The following KIAA1217 variants were observed in gnomAD, a reference collection of about 807,000 sequenced individuals.
KIAA1217 encodes sickle tail protein homolog.
A neutral mutation model predicts 163.9 loss-of-function variants in KIAA1217; 88 were observed. The ratio of observed to expected loss-of-function variants is 0.54; its 90% CI spans 0.45 to 0.64. The LOEUF is 0.64. KIAA1217 is among the 30% of genes least tolerant of loss of function. KIAA1217 has a pLI of 0.00. For missense variants in KIAA1217, 2,372 were observed against 2,475.0 expected, an observed-to-expected ratio of 0.96 and a Z score of 0.88; for synonymous variants, 903 against 923.1, an observed-to-expected ratio of 0.98 and a Z score of 0.39.
Position 24,543,521 on chromosome 10 carries a change from T to G in KIAA1217, c.4251T>G (p.Asp1417Glu). The change falls in exon 19 of 21, where the codon GAT (aspartate) becomes GAG (glutamate). Residue 1417 changes from aspartate to glutamate, a missense_variant. Coordinates refer to ENST00000376454, the MANE Select transcript of KIAA1217 (RefSeq NM_019590.5). ...KGEDIQTVNIDARKEMTPRQE... is the reference protein window; with the variant it reads ...KGEDIQTVNIEARKEMTPRQE... Reference sequence around the variant, plus strand: ...AAGACATACAGACGGTTAATATCGATGCCAGAAAAGAGATGACCCCCCGAC... The same window carrying G: ...AAGACATACAGACGGTTAATATCGAGGCCAGAAAAGAGATGACCCCCCGAC... 3 of 1,614,076 alleles carry G rather than the reference T, an allele frequency of 1.9e-6. No individual in the cohort carries two copies. Among genetic ancestry groups the G allele is most frequent in the Non-Finnish European group, 2.5e-6 (3 of 1,180,010 alleles).
intron 2 of KIAA1217, among the ~76,000 whole-genome samples, chr10:24,093,956 C>T (rs1235874002): frequency 2.0e-5 from 3 of 151,774 alleles, no homozygotes; most frequent in African/African-American, 4.8e-5. Context: ...CAATTTCATC[C>T]GTGTCCCTAC....
At chr10:24,331,893 G>A (rs571759456) in intron 2 of KIAA1217, among the ~76,000 whole-genome samples, 6 of 152,182 alleles carry the variant, frequency 3.9e-5, no homozygotes, top group African/African-American at 4.8e-5. Flanking sequence ...TCTGCCTCCC[G>A]GGTTCAAGCA....
intron 1 of KIAA1217, among the ~76,000 whole-genome samples, chr10:23,990,866 G>A (rs1348592516): frequency 6.6e-6 from 1 of 152,172 alleles, no homozygotes; most frequent in South Asian, 2.1e-4. Context: ...GATTAAGAAA[G>A]TGGGTTATAA....
intron 2 of KIAA1217, among the ~76,000 whole-genome samples, chr10:24,068,120 G>A (rs1408582390): frequency 2.0e-5 from 3 of 152,164 alleles, no homozygotes; most frequent in Admixed American, 6.5e-5. Flanking sequence ...CCTTGCTTCC[G>A]CTCATGCATG....
intron 2 of KIAA1217, among the ~76,000 whole-genome samples, chr10:24,145,094 T>A (rs754231747): frequency 2.6e-5 from 4 of 152,242 alleles, no homozygotes; most frequent in Non-Finnish European, 1.5e-5. Flanking sequence ...AGGTCCTGTT[T>A]CAGGGTTGCA....
At chr10:24,198,136 G>A (rs912025111) in intron 2 of KIAA1217, among the ~76,000 whole-genome samples, 2 of 152,224 alleles carry the variant, frequency 1.3e-5, no homozygotes, top group African/African-American at 4.8e-5. Context: ...TTCAAAACAT[G>A]TTATGAGTCT....
At chr10:24,519,366 C>A (rs1024868819) in intron 10 of KIAA1217, among the ~76,000 whole-genome samples, 2 of 152,332 alleles carry the variant, frequency 1.3e-5, no homozygotes, top group East Asian at 3.9e-4. Context: ...CCTCTATCCA[C>A]AGACACCACG....
chr10:24,109,801 T>G (rs1329636714), intron 2 of KIAA1217, among the ~76,000 whole-genome samples: 1 of 152,242 alleles, frequency 6.6e-6, no homozygotes, highest in Non-Finnish European at 1.5e-5. Context: ...GGATTTGGTT[T>G]GAGATGGATT....
chr10:23,718,165 C>G (rs1361966638), intron 1 of KIAA1217, among the ~76,000 whole-genome samples: 1 of 152,104 alleles, frequency 6.6e-6, no homozygotes, highest in African/African-American at 2.4e-5. Context: ...CTGCAGTTAC[C>G]TTTGCACCAA....
At chr10:23,728,996 T>C (rs780621744) in intron 1 of KIAA1217, among the ~76,000 whole-genome samples, 2 of 152,216 alleles carry the variant, frequency 1.3e-5, no homozygotes, top group Non-Finnish European at 2.9e-5. Context: ...CTTTTTACTG[T>C]CTCCATAGTT....
rs1385336358 is a variant in KIAA1217 at position 23,980,532 on chromosome 10, G to A, written c.-320-26693G>A. ...CTTGAGACCTTGGATCACCAGGAGA[G>A]TGTCCCTCGGGTTTTGTGTGGAAAG... On this transcript the variant is annotated intron_variant, in intron 1 of 18. Coordinates refer to the KIAA1217 transcript ENST00000376462. Among the ~76,000 whole-genome samples, 4 of 152,120 alleles carry A rather than the reference G, an allele frequency of 2.6e-5. 1 individual carries two copies. The highest frequency in any genetic ancestry group is 4.8e-5 in the African/African-American group (2 of 41,412).
chr10:24,471,238 C>T (rs1270834773), intron 5 of KIAA1217, among the ~76,000 whole-genome samples: 1 of 152,174 alleles, frequency 6.6e-6, no homozygotes, highest in African/African-American at 2.4e-5. Context: ...GCCCCCACCT[C>T]TTTCCTCGGG....
At chr10:24,449,945 CATT>C (rs1013264567) in intron 5 of KIAA1217, among the ~76,000 whole-genome samples, 1 of 152,156 alleles carries the variant, frequency 6.6e-6, no homozygotes, top group Non-Finnish European at 1.5e-5. Context: ...TTGTTATTGA[CATT>C]ATTCTGTTTT....
At chr10:23,873,686 G>GTT (rs1554815987) in intron 1 of KIAA1217, among the ~76,000 whole-genome samples, 1 of 147,466 alleles carries the variant, frequency 6.8e-6, no homozygotes, top group African/African-American at 2.7e-5. Context: ...CAAGTTGTCT[G>GTT]TTTCTCTCTC....
intron 2 of KIAA1217, among the ~76,000 whole-genome samples, chr10:24,143,053 T>C (rs1302407945): frequency 6.6e-6 from 1 of 152,164 alleles, no homozygotes; most frequent in Non-Finnish European, 1.5e-5. Context: ...TCACGTAGAT[T>C]CTTTAAGGTT....
intron 1 of KIAA1217, among the ~76,000 whole-genome samples, chr10:23,965,948 C>T (rs1286775473): frequency 6.6e-6 from 1 of 152,170 alleles, no homozygotes; most frequent in Non-Finnish European, 1.5e-5. Flanking sequence ...AATGGCTTGA[C>T]CTTGACAGCC....
rs187189847 is a variant in KIAA1217 at position 24,446,408 on chromosome 10, A to G, written c.846+7929A>G. 5.3e-5 allele frequency among the ~76,000 whole-genome samples: 8 copies of G among 152,270 alleles called. 1 individual carries two copies. Among genetic ancestry groups the G allele is most frequent in the African/African-American group, 1.7e-4 (7 of 41,556 alleles). On this transcript the variant is annotated intron_variant, in intron 5 of 20. Transcript: ENST00000376454. The stretch of plus-strand genomic sequence containing the variant: ...TAAAAATATATCCATTAAAAAAAGA[A>G]AAGAAAAGAAAAGAAAAAGAGTGAG...
At chr10:24,171,247 G>T (rs1288276369) in intron 2 of KIAA1217, among the ~76,000 whole-genome samples, 1 of 152,082 alleles carries the variant, frequency 6.6e-6, no homozygotes, top group Non-Finnish European at 1.5e-5. Flanking sequence ...AGCTTACAAC[G>T]AATTTATAAC....
intron 1 of KIAA1217, among the ~76,000 whole-genome samples, chr10:23,906,670 G>T (rs183094952): frequency 1.3e-5 from 2 of 152,094 alleles, no homozygotes; most frequent in Non-Finnish European, 2.9e-5. Context: ...TTTATGATTG[G>T]TGTGGGGTAA....
Sources: gnomAD v4.1 joint callset for allele counts (sites outside exome capture counted in the v4.1 genomes callset) on GRCh38, gnomAD v4.1.1 for gene constraint, MANE v1.5 for transcripts, NCBI Gene and HGNC (gene_info 2026-07-23, HGNC 2026-07-21) for gene names.